The following ALDH1L1 variants were observed in gnomAD, a reference collection of about 807,000 sequenced individuals.
ALDH1L1 encodes the protein aldehyde dehydrogenase 1 family member L1.
ALDH1L1 carries 68 observed loss-of-function variants against 101.1 expected under a neutral mutation model. The observed-to-expected ratio is 0.67, with a 90% CI of 0.55 to 0.82. ALDH1L1 has a LOEUF of 0.82. Ranked by LOEUF, ALDH1L1 falls within the 40% of genes least tolerant of loss-of-function variation. The probability of loss-of-function intolerance (pLI) is 0.00; values close to 1 mark genes in which losing one functional copy is unlikely to be tolerated. For synonymous variants in ALDH1L1, 486 were observed against 470.8 expected, an observed-to-expected ratio of 1.03 and a Z score of -0.42; for missense variants, 1,087 against 1,172.7, an observed-to-expected ratio of 0.93 and a Z score of 1.07.
At chr3:126,124,919 C>A (rs1214941298) in intron 15 of ALDH1L1, among the ~76,000 whole-genome samples, 3 of 152,192 alleles carry the variant, frequency 2.0e-5, no homozygotes, top group Non-Finnish European at 4.4e-5. Flanking sequence ...ACATCAATGC[C>A]CTTGCCGCGA....
chr3:126,138,278 C>CTAA (rs919086461), intron 9 of ALDH1L1, among the ~76,000 whole-genome samples: 6 of 150,946 alleles, frequency 4.0e-5, no homozygotes, highest in Admixed American at 6.6e-5. Flanking sequence ...GACAACCCAT[C>CTAA]TAATAATAAT....
intron 1 of ALDH1L1, among the ~76,000 whole-genome samples, chr3:126,195,747 T>C (rs2081578057): frequency 6.6e-6 from 1 of 152,068 alleles, no homozygotes; most frequent in Admixed American, 6.5e-5. Flanking sequence ...ATTAAGAAAA[T>C]GAGGCACATA....
At position 126,110,115 on chromosome 3, in the gene ALDH1L1, G is replaced by T; in HGVS notation, c.2182-6C>A. 8.1e-6 allele frequency: 13 copies of T among 1,613,946 alleles called. No homozygotes were observed. The highest frequency in any genetic ancestry group is 1.1e-5 in the Non-Finnish European group (13 of 1,179,902). On this transcript the variant is annotated splice_region_variant and splice_polypyrimidine_tract_variant and intron_variant, in intron 19 of 22. Coordinates refer to ENST00000393434, the MANE Select transcript of ALDH1L1 (RefSeq NM_012190.4). ...ATCTTCCGCACCTCTTCTACCTGCAGAAAGTCCTCCAAGTCAGGTGTGGCT... is the reference window on the plus strand; with the variant it reads ...ATCTTCCGCACCTCTTCTACCTGCATAAAGTCCTCCAAGTCAGGTGTGGCT...
intron 17 of ALDH1L1, 44 bp downstream of exon 17, chr3:126,117,961 C>T: frequency 6.4e-7 from 1 of 1,552,186 alleles, no homozygotes; most frequent in Non-Finnish European, 8.8e-7. Context: ...GTCCCAGGCG[C>T]AGCCCACAGC....
At chr3:126,146,785 T>C (rs376706923) in intron 9 of ALDH1L1, 50 bp downstream of exon 9, 2 of 1,586,756 alleles carry the variant, frequency 1.3e-6, no homozygotes, top group Non-Finnish European at 1.7e-6. Context: ...CAGAGATTTG[T>C]GACACAGCAC....
intron 9 of ALDH1L1, among the ~76,000 whole-genome samples, chr3:126,141,995 G>C (rs2080577920): frequency 6.6e-6 from 1 of 152,030 alleles, no homozygotes; most frequent in African/African-American, 2.4e-5. Flanking sequence ...CAAATTACTA[G>C]AATCAGAAAT....
At position 126,112,705 on chromosome 3, in the gene ALDH1L1, C is replaced by G; in HGVS notation, c.2181+77G>C. The G allele has an allele frequency of 2.8e-6, 4 of 1,419,948 alleles. No individual in the cohort carries two copies. In the East Asian group the frequency reaches 9.1e-5, roughly 32 times the overall value. 88.0% of individuals were successfully genotyped at this position (1,419,948 alleles called of 1,614,324 possible). On this transcript the variant is annotated intron_variant, in intron 19 of 22. Coordinates refer to ENST00000393434, the MANE Select transcript of ALDH1L1 (RefSeq NM_012190.4). ...GCCTCACTTGACCCTGCCCTGTCTC[C>G]CCTCCTCCAACCCCCTCCAGCCAGG...
At chr3:126,180,719 C>G, upstream of ALDH1L1, 1 of 1,401,138 alleles carries the variant, frequency 7.1e-7, no homozygotes. Flanking sequence ...CGCACCCTCT[C>G]CGGGCGGGTC....
intron 1 of ALDH1L1, among the ~76,000 whole-genome samples, chr3:126,167,061 G>GT (rs2081183240): frequency 6.6e-6 from 1 of 152,022 alleles, no homozygotes; most frequent in Admixed American, 6.5e-5. Context: ...ATTCAGATTA[G>GT]TATCTACGTA....
intron 16 of ALDH1L1, among the ~76,000 whole-genome samples, chr3:126,118,631 A>G (rs1394410524): frequency 1.3e-5 from 2 of 150,978 alleles, no homozygotes; most frequent in Non-Finnish European, 3.0e-5. Flanking sequence ...AAATCAACCC[A>G]CTCCCCACAT....
At chr3:126,112,657 G>T (rs1486985312) in intron 19 of ALDH1L1, 125 bp downstream of exon 19, 1 of 841,830 alleles carries the variant, frequency 1.2e-6, no homozygotes, top group Non-Finnish European at 1.9e-6. Flanking sequence ...CCCCCGGGGG[G>T]AGTGTCCTCC....
intron 12 of ALDH1L1, among the ~76,000 whole-genome samples, chr3:126,132,419 G>A (rs2080332833): frequency 6.6e-6 from 1 of 152,200 alleles, no homozygotes; most frequent in Non-Finnish European, 1.5e-5. Context: ...CACTCAGGAT[G>A]CATCTGCAAC....
chr3:126,164,321 A>G (rs2081121060), intron 1 of ALDH1L1, among the ~76,000 whole-genome samples: 1 of 152,164 alleles, frequency 6.6e-6, no homozygotes, highest in Admixed American at 6.5e-5. Flanking sequence ...TGATATATGA[A>G]CATATTGCAC....
intron 20 of ALDH1L1, among the ~76,000 whole-genome samples, chr3:126,107,549 T>C (rs1945925226): frequency 6.6e-6 from 1 of 152,206 alleles, no homozygotes; most frequent in African/African-American, 2.4e-5. Context: ...CCAGAACCCA[T>C]GGCCGAAGCA....
chr3:126,188,028 T>C lies in ALDH1L1; in HGVS notation c.-24+9707A>G, dbSNP rs538021073. ...CTGGCTGCTACACGGTCAGGCTGCATTTATGGACAGAAAGTGGAAGTGAGG... is the reference window on the plus strand; with the variant it reads ...CTGGCTGCTACACGGTCAGGCTGCACTTATGGACAGAAAGTGGAAGTGAGG... On this transcript the variant is annotated intron_variant, in intron 1 of 2. Transcript: ENST00000509952. Among the ~76,000 whole-genome samples the C allele has an allele frequency of 3.3e-5, 5 of 152,294 alleles. No homozygotes were observed. In the East Asian group the frequency reaches 9.6e-4, roughly 29 times the overall value.
chr3:126,152,996 GC>G, intron 7 of ALDH1L1: 1 of 273,954 alleles, frequency 3.7e-6, no homozygotes, highest in Non-Finnish European at 7.1e-6. Flanking sequence ...GGCCGGCATG[GC>G]TCCCAAGGCT....
At position 126,131,468 on chromosome 3, in the gene ALDH1L1, G is replaced by A. The variant is rs371599385; in HGVS notation, c.1539C>T (p.Ala513=). The A allele has an allele frequency of 3.3e-5, 53 of 1,613,248 alleles. No homozygotes were observed. The highest frequency in any genetic ancestry group is 2.5e-4 in the African/African-American group (19 of 75,032). The change falls in exon 13 of 23, where the codon GCC becomes GCT. Residue 513 remains alanine, a synonymous_variant. Coordinates refer to ENST00000393434, the MANE Select transcript of ALDH1L1 (RefSeq NM_012190.4). The stretch of plus-strand genomic sequence containing the variant: ...GGGTCTTCAGGGCCAGCGTGTAGAC[G>A]GCACCCGCATCCAGGGCCTCAATGG... ...LATIEALDAG[A]VYTLALKTHV... is the part of the protein sequence containing the mutation.
rs143382276 is a variant in ALDH1L1, at chr3:126,176,899, A to G, written c.-24+3577T>C. ...AACCCAATTTTAAAATGGGCCAAGT[A>G]AATTAACCGACATTCACAAAAGAAG... On this transcript the variant is annotated intron_variant, in intron 1 of 22. Transcript: ENST00000393434. Among the ~76,000 whole-genome samples, 750 of 152,356 alleles carry G rather than the reference A, an allele frequency of 4.9e-3. 8 individuals are homozygous for G. The highest frequency in any genetic ancestry group is 0.017 in the African/African-American group (723 of 41,592).
In ALDH1L1 at chr3:126,160,934, A is replaced by G. The variant is rs1272620884; in HGVS notation, c.46T>C (p.Tyr16His). ...IGQSLFGQEV[Y>H]CHLRKEGHEV... ...TGGCCCTCCTTCCTCAGGTGGCAGT[A>G]AACTTCCTGGCCAAACAGGCTCTGT... Residue 16 changes from tyrosine to histidine, a missense_variant, in exon 2 of 23, where the codon TAC (tyrosine) becomes CAC (histidine). Physicochemically the swap from Tyr to His is moderately conservative, Grantham distance 83. Coordinates refer to ENST00000393434, the MANE Select transcript of ALDH1L1 (RefSeq NM_012190.4). The G allele has an allele frequency of 1.9e-6, 3 of 1,614,278 alleles. No homozygotes were observed. The highest frequency in any genetic ancestry group is 1.7e-5 in the Admixed American group (1 of 60,036).
Sources: allele counts gnomAD v4.1 joint callset (sites outside exome capture counted in the v4.1 genomes callset), GRCh38; gene constraint gnomAD v4.1.1; transcripts MANE v1.5; gene names NCBI Gene and HGNC (gene_info 2026-07-23, HGNC 2026-07-21).